The following PFKFB3 variants were observed in gnomAD, a reference collection of about 807,000 sequenced individuals.
PFKFB3 encodes 6-phosphofructo-2-kinase/fructose-2,6-bisphosphatase 3.
In PFKFB3, 33 loss-of-function variants were observed where a neutral mutation model predicts 68.0. The ratio of observed to expected loss-of-function variants is 0.49; its 90% confidence interval spans 0.37 to 0.65. PFKFB3 has a LOEUF of 0.65. PFKFB3 is among the 30% of genes least tolerant of loss of function. The pLI, the probability that PFKFB3 is intolerant of heterozygous loss-of-function variation, is 0.00. For missense variants in PFKFB3, 586 were observed against 712.2 expected (o/e 0.82, Z 2.02); for synonymous variants, 315 against 288.2 (o/e 1.09, Z -0.94).
At chr10:6,295,945 A>C in the PFKFB3 span, among the ~76,000 whole-genome samples, 1 of 152,190 alleles carries the variant, frequency 6.6e-6, no homozygotes, top group East Asian at 1.9e-4. Flanking sequence ...GCTAGTTTAC[A>C]CTGAGCCTCC....
the PFKFB3 span, among the ~76,000 whole-genome samples, chr10:6,308,382 G>C: frequency 2.6e-5 from 4 of 152,168 alleles, no homozygotes; most frequent in Non-Finnish European, 5.9e-5. Context: ...GCATGGTGGT[G>C]GTCTGTGCCT....
intron 1 of PFKFB3, among the ~76,000 whole-genome samples, chr10:6,185,309 G>A (rs1007317411): frequency 2.6e-5 from 4 of 152,178 alleles, no homozygotes; most frequent in Non-Finnish European, 5.9e-5. Flanking sequence ...GGGCCGTTCC[G>A]AGCTGGTTCC....
At chr10:6,170,868 A>T (rs1048390463) in intron 1 of PFKFB3, among the ~76,000 whole-genome samples, 6 of 145,656 alleles carry the variant, frequency 4.1e-5, no homozygotes, top group African/African-American at 1.5e-4. Context: ...ATTAAAGGTT[A>T]AAAAAAAAAG....
chr10:6,196,277 C>T (rs1336211242), intron 1 of PFKFB3, among the ~76,000 whole-genome samples: 2 of 152,088 alleles, frequency 1.3e-5, no homozygotes, highest in African/African-American at 4.8e-5. Flanking sequence ...ACCACAGGCG[C>T]CTGCTACCAC....
At position 6,221,665 on chromosome 10, in the gene PFKFB3, G is replaced by A. The variant is rs760987653; in HGVS notation, c.1003G>A (p.Glu335Lys). The A allele has an allele frequency of 2.9e-5, 47 of 1,610,842 alleles. No homozygotes were observed. The highest frequency in any genetic ancestry group is 1.4e-4 in the South Asian group (13 of 90,380). Residue 335 changes from glutamate to lysine, a missense_variant, in exon 10 of 15, where the codon GAG becomes AAG. Transcript: ENST00000379775. ...DAGVCEELTY[E>K]EIRDTYPEEY... is the part of the protein sequence containing the mutation. Reference sequence around the variant, plus strand: ...GGGCGTCTGTGAGGAGCTGACCTACGAGGAGATCAGGGACACCTACCCTGA... The same window carrying A: ...GGGCGTCTGTGAGGAGCTGACCTACAAGGAGATCAGGGACACCTACCCTGA...
intron 1 of PFKFB3, among the ~76,000 whole-genome samples, chr10:6,153,346 C>T (rs954455316): frequency 2.6e-5 from 4 of 152,210 alleles, no homozygotes; most frequent in Admixed American, 6.5e-5. Flanking sequence ...AGGCCAGGGG[C>T]GGATGTAAGT....
chr10:6,208,141 C>G (rs1564621198), intron 1 of PFKFB3, among the ~76,000 whole-genome samples: 1 of 152,174 alleles, frequency 6.6e-6, no homozygotes, highest in Non-Finnish European at 1.5e-5. Flanking sequence ...ATGGTGCAAT[C>G]ACGTCTCATT....
At chr10:6,298,267 G>A in the PFKFB3 span, among the ~76,000 whole-genome samples, 18 of 152,136 alleles carry the variant, frequency 1.2e-4, 1 homozygote, top group South Asian at 1.7e-3. Context: ...GGGTAACCTC[G>A]GATTACCCTA....
chr10:6,198,228 A>G (rs1241458854), upstream of PFKFB3, among the ~76,000 whole-genome samples: 5 of 147,792 alleles, frequency 3.4e-5, no homozygotes, highest in East Asian at 8.1e-4. Flanking sequence ...CCAGGGTGAT[A>G]GCATGAGACT....
chr10:6,149,613 GC>G (rs1841512704), intron 1 of PFKFB3: 1 of 146,802 alleles, frequency 6.8e-6, no homozygotes, highest in African/African-American at 2.5e-5. Context: ...GATACAAAAT[GC>G]ACTGTGTGGG....
rs545148858 is a variant in PFKFB3, at chr10:6,215,025, C to T, written c.203-196C>T. Among the ~76,000 whole-genome samples the T allele has an allele frequency of 3.3e-5, 5 of 152,324 alleles. No homozygotes were observed. The highest frequency in any genetic ancestry group is 2.1e-4 in the South Asian group (1 of 4,830). On this transcript the variant is annotated intron_variant, in intron 2 of 14. Coordinates refer to ENST00000379775, the MANE Select transcript of PFKFB3 (RefSeq NM_004566.4). This position sits in a 1 kb window ranked among gnomAD's most constrained non-coding sequence, Gnocchi z 4.3. ...GGCATTGCAGCTGGACTGGGGAAGC[C>T]GGGCAGCCTGTGCCCTGCTGTCCTC...
chr10:6,177,385 T>TTTCTTTCTTTCTTTC (rs1842513561), intron 1 of PFKFB3, among the ~76,000 whole-genome samples: 7 of 113,304 alleles, frequency 6.2e-5, no homozygotes, highest in African/African-American at 1.1e-4. Flanking sequence ...TCTTTCTTTC[T>TTTCTTTCTTTCTTTC]TTCTTTCTTT....
At chr10:6,239,911 C>T (rs1296652290), downstream of PFKFB3, among the ~76,000 whole-genome samples, 1 of 151,914 alleles carries the variant, frequency 6.6e-6, no homozygotes, top group Non-Finnish European at 1.5e-5. Flanking sequence ...TGGACTCAAG[C>T]GATCTGCCCC....
chr10:6,215,434 A>G lies in PFKFB3; in HGVS notation c.299+117A>G. The G allele has an allele frequency of 1.3e-6, 1 of 749,994 alleles. No individual in the cohort carries two copies. The highest frequency in any genetic ancestry group is 2.9e-5 in the East Asian group (1 of 34,968). 46.5% of individuals were successfully genotyped at this position (749,994 alleles called of 1,614,324 possible). A position where few individuals can be genotyped will look rare whatever the true frequency, so the allele number is the denominator to read the frequency against. Reference sequence around the variant, plus strand: ...GGGCGTAGGGCTGGGCTGTGGGAATAAGGCTGGGCTGCGGGGCTGCGGGTG... The same window carrying G: ...GGGCGTAGGGCTGGGCTGTGGGAATGAGGCTGGGCTGCGGGGCTGCGGGTG... On this transcript the variant is annotated intron_variant, in intron 3 of 14. Transcript: ENST00000379775. The surrounding 1 kb of genome is among the most constrained non-coding windows in gnomAD (Gnocchi z 4.3).
intron 10 of PFKFB3, 140 bp downstream of exon 10, chr10:6,221,885 C>T (rs911338628): frequency 1.6e-6 from 1 of 614,840 alleles, no homozygotes; most frequent in Non-Finnish European, 2.9e-6. Context: ...CTGAGTCCCC[C>T]CAAACTGAAC....
chr10:6,157,152 A>G (rs969223303), intron 1 of PFKFB3, among the ~76,000 whole-genome samples: 1 of 152,076 alleles, frequency 6.6e-6, no homozygotes, highest in African/African-American at 2.4e-5. Flanking sequence ...CTTATTAGAA[A>G]ATGGAAACAA....
intron 1 of PFKFB3, among the ~76,000 whole-genome samples, chr10:6,186,715 C>T (rs937197762): frequency 1.5e-4 from 23 of 152,262 alleles, no homozygotes; most frequent in Non-Finnish European, 2.4e-4. Context: ...CCAGGCTGGT[C>T]TCAAACTCCT....
chr10:6,283,551 G>GATGGAGGCTA, the PFKFB3 span, among the ~76,000 whole-genome samples: 1 of 152,286 alleles, frequency 6.6e-6, no homozygotes, highest in Middle Eastern at 3.2e-3. Context: ...GATGGAGGCT[G>GATGGAGGCTA]GAAGACTCAG....
chr10:6,238,068 A>G (rs1008777971), downstream of PFKFB3, among the ~76,000 whole-genome samples: 1 of 152,038 alleles, frequency 6.6e-6, no homozygotes, highest in Admixed American at 6.6e-5. Context: ...CCATAAAGAC[A>G]CCCGAATCGC....
Sources: allele counts gnomAD v4.1 joint callset (sites outside exome capture counted in the v4.1 genomes callset), GRCh38; gene constraint gnomAD v4.1.1; non-coding constraint Gnocchi (gnomAD v3.1); transcripts MANE v1.5; gene names NCBI Gene and HGNC (gene_info 2026-07-23, HGNC 2026-07-21).